Variants in ADGRL2 observed in about 807,000 individuals in gnomAD.
ADGRL2 encodes the protein calcium-independent alpha-latrotoxin receptor 2.
A neutral mutation model predicts 157.4 loss-of-function variants in ADGRL2; 44 were observed. That is an observed-to-expected ratio of 0.28 (90% confidence interval 0.22 to 0.36). The LOEUF is 0.36. Among genes scored for constraint, ADGRL2 ranks in the 10% least tolerant of loss-of-function variants. The pLI, the probability that ADGRL2 is intolerant of heterozygous loss-of-function variation, is 1.00. For synonymous variants in ADGRL2, 585 were observed against 624.7 expected, an observed-to-expected ratio of 0.94 and a Z score of 0.95; for missense variants, 1,510 against 1,768.9, an observed-to-expected ratio of 0.85 and a Z score of 2.63.
chr1:81,473,221 G>A (rs1233110089), intron 2 of ADGRL2, among the ~76,000 whole-genome samples: 2 of 152,106 alleles, frequency 1.3e-5, no homozygotes, highest in African/African-American at 4.8e-5. Context: ...TGACTTTTGC[G>A]ATTGTCTCAC....
intron 2 of ADGRL2, among the ~76,000 whole-genome samples, chr1:81,882,255 A>G (rs1260772805): frequency 1.3e-5 from 2 of 152,142 alleles, no homozygotes; most frequent in African/African-American, 4.8e-5. Context: ...TTTCTACCGT[A>G]ACTAAGAGAT....
chr1:81,424,060 A>C (rs1432016131), intron 1 of ADGRL2, among the ~76,000 whole-genome samples: 1 of 152,200 alleles, frequency 6.6e-6, no homozygotes, highest in African/African-American at 2.4e-5. Flanking sequence ...TCATAAGGAC[A>C]CTTCAATTTC....
chr1:81,606,421 C>A (rs2081432197), intron 3 of ADGRL2, among the ~76,000 whole-genome samples: 1 of 151,942 alleles, frequency 6.6e-6, no homozygotes, highest in African/African-American at 2.4e-5. Context: ...ACACCTGAAA[C>A]AACTTTTAAA....
At chr1:81,974,347 C>T (rs916191944) in intron 17 of ADGRL2, among the ~76,000 whole-genome samples, 5 of 152,234 alleles carry the variant, frequency 3.3e-5, no homozygotes, top group East Asian at 3.9e-4. Flanking sequence ...GATCATGACA[C>T]GTCAGGAGCT....
chr1:81,891,398 A>G (rs2094260513), intron 2 of ADGRL2, among the ~76,000 whole-genome samples: 1 of 152,046 alleles, frequency 6.6e-6, no homozygotes, highest in Admixed American at 6.6e-5. Flanking sequence ...GTTCTTGCAA[A>G]TGGGATTTGG....
At chr1:81,489,559 T>TA (rs1401515633) in intron 2 of ADGRL2, among the ~76,000 whole-genome samples, 14 of 151,934 alleles carry the variant, frequency 9.2e-5, no homozygotes, top group African/African-American at 3.4e-4. Context: ...TTTGAAGAAA[T>TA]AATAGCTGAA....
chr1:81,398,338 T>G (rs1472783253), intron 1 of ADGRL2, among the ~76,000 whole-genome samples: 1 of 152,222 alleles, frequency 6.6e-6, no homozygotes, highest in African/African-American at 2.4e-5. Context: ...CTTACTCCTG[T>G]CATTTTGTTG....
At chr1:81,701,393 G>A (rs1327302593) in intron 1 of ADGRL2, among the ~76,000 whole-genome samples, 3 of 152,006 alleles carry the variant, frequency 2.0e-5, no homozygotes, top group Non-Finnish European at 4.4e-5. Flanking sequence ...TCCCATGGAG[G>A]AACAAAGGGA....
At chr1:81,353,933 A>AGCC (rs1663096121) in intron 1 of ADGRL2, among the ~76,000 whole-genome samples, 3 of 152,200 alleles carry the variant, frequency 2.0e-5, no homozygotes, top group Non-Finnish European at 4.4e-5. Context: ...TCAGGCATGA[A>AGCC]TCTTTGAGAA....
At chr1:81,306,534 A>T (rs1478632453) in intron 1 of ADGRL2, 1 of 152,026 alleles carries the variant, frequency 6.6e-6, no homozygotes, top group African/African-American at 2.4e-5. Flanking sequence ...TCTTCTAAAG[A>T]CGTGTGTAAT....
chr1:81,659,228 A>AT (rs1380358082), intron 3 of ADGRL2, among the ~76,000 whole-genome samples: 1 of 151,470 alleles, frequency 6.6e-6, no homozygotes, highest in East Asian at 1.9e-4. Flanking sequence ...CGGCCGGCTG[A>AT]TTTTTTGTAT....
intron 2 of ADGRL2, among the ~76,000 whole-genome samples, chr1:81,463,966 C>T (rs1419875755): frequency 6.6e-6 from 1 of 151,996 alleles, no homozygotes; most frequent in Non-Finnish European, 1.5e-5. Flanking sequence ...TTCCTACTTC[C>T]TCTCTTCCTT....
intron 1 of ADGRL2, among the ~76,000 whole-genome samples, chr1:81,307,845 G>GA (rs1196304723): frequency 0.041 from 6,164 of 149,228 alleles, 391 homozygotes; most frequent in African/African-American, 0.13. Flanking sequence ...GTCTTCTATT[G>GA]TAAAAAAAAA....
chr1:81,499,930 TATATA>T (rs548755741), intron 2 of ADGRL2, among the ~76,000 whole-genome samples: 92 of 150,780 alleles, frequency 6.1e-4, no homozygotes, highest in Non-Finnish European at 9.4e-4. Flanking sequence ...TTTATAAATA[TATATA>T]ATATAACTAT....
chr1:81,556,431 C>T (rs1012748908), intron 2 of ADGRL2, among the ~76,000 whole-genome samples: 1 of 146,560 alleles, frequency 6.8e-6, no homozygotes, highest in African/African-American at 2.5e-5. Flanking sequence ...GTGCTGGGAT[C>T]CCTCCCAAAG....
chr1:81,740,281 A>T (rs1045130800), intron 1 of ADGRL2, among the ~76,000 whole-genome samples: 1 of 152,172 alleles, frequency 6.6e-6, no homozygotes, highest in Non-Finnish European at 1.5e-5. Context: ...AGTACATACC[A>T]CTACTATATG....
At chr1:81,556,312 A>ATTTCTT (rs2080276526) in intron 2 of ADGRL2, among the ~76,000 whole-genome samples, 1 of 87,132 alleles carries the variant, frequency 1.1e-5, no homozygotes, top group Non-Finnish European at 2.0e-5. Flanking sequence ...GGCTGTCACA[A>ATTTCTT]TTTTTTTTTT....
chr1:81,675,808 C>A (rs2082975128), intron 3 of ADGRL2, among the ~76,000 whole-genome samples: 1 of 152,094 alleles, frequency 6.6e-6, no homozygotes, highest in Non-Finnish European at 1.5e-5. Flanking sequence ...TCTTGATCTC[C>A]TGACCTCATG....
chr1:81,909,554 AGAG>A (rs2094662957), intron 3 of ADGRL2, among the ~76,000 whole-genome samples: 1 of 152,220 alleles, frequency 6.6e-6, no homozygotes, highest in Non-Finnish European at 1.5e-5. Flanking sequence ...TCAGTAGGTT[AGAG>A]AAGTCATAGA....
Sources: gnomAD v4.1 joint callset for allele counts (sites outside exome capture counted in the v4.1 genomes callset) on GRCh38, gnomAD v4.1.1 for gene constraint, MANE v1.5 for transcripts, NCBI Gene and HGNC (gene_info 2026-07-23, HGNC 2026-07-21) for gene names.